Variants in TTN observed in about 807,000 individuals in gnomAD.
TTN encodes connectin.
Under a neutral mutation model 3,223.0 loss-of-function variants are expected in TTN, and 1,525 were observed. The observed-to-expected ratio is 0.47, with a 90% CI of 0.45 to 0.49. The LOEUF (loss-of-function observed/expected upper bound fraction) is 0.49, where lower values mean the gene tolerates loss of function less well. TTN is among the 20% of genes least tolerant of loss of function. TTN has a pLI of 0.00. For missense variants in TTN, 40,786 were observed against 43,424.0 expected (o/e 0.94, Z 5.40); for synonymous variants, 14,094 against 15,161.0 (o/e 0.93, Z 5.17).
intron 150 of TTN, among the ~76,000 whole-genome samples, chr2:178,674,720 G>A (rs1456975654): frequency 2.0e-5 from 3 of 151,324 alleles, no homozygotes; most frequent in African/African-American, 7.3e-5. Flanking sequence ...GGCTTAACTG[G>A]AATTTCTCTT....
At chr2:178,750,032 A>T (rs746619681) in intron 47 of TTN, 3 of 1,613,172 alleles carry the variant, frequency 1.9e-6, no homozygotes, top group Non-Finnish European at 1.7e-6. Context: ...AGTTTGAAAC[A>T]CTTCTTTAGA....
chr2:178,571,248 G>A lies in TTN; in HGVS notation c.74884C>T (p.Pro24962Ser). The change falls in exon 326 of 363, where the codon CCT (proline) becomes TCT (serine). Residue 24962 changes from proline to serine, a missense_variant. Transcript: ENST00000589042. Reference protein sequence around the residue: ...SILWVKLNKTPIPQTKFKTTG... With the variant: ...SILWVKLNKTSIPQTKFKTTG... ...GTCTTAAACTTGGTTTGAGGAATAGGTGTTTTATTCAACTTAACCCAGAGG... is the reference window on the plus strand; with the variant it reads ...GTCTTAAACTTGGTTTGAGGAATAGATGTTTTATTCAACTTAACCCAGAGG... The A allele has an allele frequency of 6.2e-7, 1 of 1,613,510 alleles. No homozygotes were observed. Among genetic ancestry groups the A allele is most frequent in the Non-Finnish European group, 8.5e-7 (1 of 1,179,618 alleles).
At chr2:178,696,909 T>C (rs1029594334) in intron 113 of TTN, among the ~76,000 whole-genome samples, 2 of 152,034 alleles carry the variant, frequency 1.3e-5, no homozygotes, top group Non-Finnish European at 2.9e-5. Context: ...TCTGAGACCA[T>C]TGCACAGAGG....
Position 178,741,265 on chromosome 2 carries a change from G to T in TTN, c.11968C>A (p.Pro3990Thr). ...TSVYYTIIHN[P>T]NGSGTFIVND... is the part of the protein sequence containing the mutation. ...ACAATGAAAGTTCCAGAGCCATTAG[G>T]GTTATGAATGATAGTGTAATAAACA... is the stretch of plus-strand genomic sequence containing the variant. Residue 3990 changes from proline (P) to threonine (T), a missense_variant, in exon 48 of 363, where the codon CCT becomes ACT. By Grantham distance (38) the Pro-to-Thr change is conservative. Transcript: ENST00000589042. 6.2e-7 allele frequency: 1 copy of T among 1,613,760 alleles called. No homozygotes were observed. The highest frequency in any genetic ancestry group is 1.1e-5 in the South Asian group (1 of 91,064).
At chr2:178,743,793 T>G (rs1156691083) in intron 47 of TTN, among the ~76,000 whole-genome samples, 1 of 151,990 alleles carries the variant, frequency 6.6e-6, no homozygotes, top group Non-Finnish European at 1.5e-5. Flanking sequence ...TAGTTTTATT[T>G]CAGGAATTTG....
chr2:178,778,736 A>C, intron 24 of TTN, 138 bp downstream of exon 24: 2 of 1,224,922 alleles, frequency 1.6e-6, no homozygotes, highest in Non-Finnish European at 2.3e-6. Context: ...AACTTCTGGC[A>C]ATTGTTGGTG....
chr2:178,565,413 G>T lies in TTN; in HGVS notation c.80719C>A (p.Pro26907Thr), dbSNP rs776780869. The T allele has an allele frequency of 1.2e-6, 2 of 1,613,434 alleles. No homozygotes were observed. The highest frequency in any genetic ancestry group is 2.2e-5 in the South Asian group (2 of 91,054). The change falls in exon 326 of 363, where the codon CCA (proline) becomes ACA (threonine). Residue 26907 changes from proline (P) to threonine (T), a missense_variant. Physicochemically the swap from Pro to Thr is conservative, Grantham distance 38 (BLOSUM62 -1). Coordinates refer to ENST00000589042, the MANE Select transcript of TTN (RefSeq NM_001267550.2). ...LKIEIPVIGR[P>T]RPNISWVKDG... The stretch of plus-strand genomic sequence containing the variant: ...TTGACCCAAGAAATGTTAGGTCTTG[G>T]TCGGCCTATAACTGGAATTTCTATT...
rs2055801311 is a variant in TTN, at chr2:178,609,564, G to A, written c.51746C>T (p.Pro17249Leu). 6.2e-7 allele frequency: 1 copy of A among 1,606,136 alleles called. No individual in the cohort carries two copies. The highest frequency in any genetic ancestry group is 1.7e-5 in the Admixed American group (1 of 59,530). ...TAGGCTTGTTCTCAGAATGACTTTGGGGGCATCTATAGTGATCATAACCAA... is the reference window on the plus strand; with the variant it reads ...TAGGCTTGTTCTCAGAATGACTTTGAGGGCATCTATAGTGATCATAACCAA... ...PTKAVDPIDA[P>L]KVILRTSLEV... Residue 17249 changes from proline (P) to leucine (L), a missense_variant, in exon 273 of 363, where the codon CCC (proline) becomes CTC (leucine). Physicochemically the swap from Pro to Leu is moderately conservative, Grantham distance 98. Coordinates refer to ENST00000589042, the MANE Select transcript of TTN (RefSeq NM_001267550.2).
intron 242 of TTN, 139 bp downstream of exon 242, chr2:178,624,326 G>A (rs1576597155): frequency 1.0e-6 from 1 of 995,954 alleles, no homozygotes; most frequent in South Asian, 1.5e-5. Context: ...AAAGGATCAG[G>A]TTAGGTCAGT....
rs1700704472 is a variant in TTN at position 178,554,770 on chromosome 2, A to G, written c.88595-18T>C. 1.2e-6 allele frequency: 2 copies of G among 1,612,520 alleles called. No individual in the cohort carries two copies. Among genetic ancestry groups the G allele is most frequent in the Non-Finnish European group, 1.7e-6 (2 of 1,179,550 alleles). On this transcript the variant is annotated intron_variant, in intron 331 of 362. Transcript: ENST00000589042. ...TGGTTTGTCTATCAGTGAAAGGACAAAACACGATGTTAGTACTTCTTTAAA... is the reference window on the plus strand; with the variant it reads ...TGGTTTGTCTATCAGTGAAAGGACAGAACACGATGTTAGTACTTCTTTAAA...
rs150430592 is a variant in TTN, at chr2:178,552,074, A to C, written c.90826T>G (p.Cys30276Gly). The change falls in exon 335 of 363, where the codon TGT becomes GGT. Residue 30276 changes from cysteine to glycine, a missense_variant. Physicochemically the swap from Cys to Gly is radical, Grantham distance 159 (BLOSUM62 -3). Transcript: ENST00000589042. ...ETSQTNWKMV[C>G]SSVARTTFKV... ...AAAGTCGTTCTGGCAACACTTGAAC[A>C]CACCATCTTCCAGTTAGTTTGTGAA... 2.1e-3 allele frequency: 3,400 copies of C among 1,613,718 alleles called. 49 individuals are homozygous for C. Among genetic ancestry groups the C allele is most frequent in the South Asian group, 0.02 (1,861 of 91,040 alleles).
At position 178,651,752 on chromosome 2, in the gene TTN, A is replaced by G; in HGVS notation, c.39380-3T>C. 6.2e-7 allele frequency: 1 copy of G among 1,612,638 alleles called. No individual in the cohort carries two copies. The highest frequency in any genetic ancestry group is 8.5e-7 in the Non-Finnish European group (1 of 1,179,402). On this transcript the variant is annotated splice_polypyrimidine_tract_variant and splice_region_variant and intron_variant, in intron 205 of 362. Transcript: ENST00000589042. The stretch of plus-strand genomic sequence containing the variant: ...AGGTTTCTTAGGTGGTACGGTCACT[A>G]AAGAATTAGAAGGTATGTTTTAGAA...
Position 178,640,567 on chromosome 2 carries a change from T to A in TTN, c.40697A>T (p.Glu13566Val), listed in dbSNP as rs1428597330. The A allele has an allele frequency of 6.2e-7, 1 of 1,602,702 alleles. No individual in the cohort carries two copies. The highest frequency in any genetic ancestry group is 1.4e-5 in the African/African-American group (1 of 74,026). ...TTTTGTTGGTTCAGGAATCTTCCTT[T>A]CCCTTTTTGTAACAGTAGGTACTTC... ...EVEVPTVTKR[E>V]RKIPEPTKVP... is the part of the protein sequence containing the mutation. Residue 13566 changes from glutamate (E) to valine (V), a missense_variant, in exon 221 of 363, where the codon GAA becomes GTA. Coordinates refer to ENST00000589042, the MANE Select transcript of TTN (RefSeq NM_001267550.2).
chr2:178,727,215 G>A lies in TTN; in HGVS notation c.20150C>T (p.Thr6717Ile). Residue 6717 changes from threonine to isoleucine, a missense_variant, in exon 69 of 363, where the codon ACT (threonine) becomes ATT (isoleucine). Transcript: ENST00000589042. ...TATGACGGCCACTGAGTCAATGAAA[G>A]TCATTCTGTACTTATCACTGGCTGG... ...ELPASDKYRM[T>I]FIDSVAVIQM... The A allele has an allele frequency of 6.2e-7, 1 of 1,613,214 alleles. No individual in the cohort carries two copies. The highest frequency in any genetic ancestry group is 8.5e-7 in the Non-Finnish European group (1 of 1,179,420).
Position 178,604,256 on chromosome 2 carries a change from A to G in TTN, c.54431T>C (p.Val18144Ala). The G allele has an allele frequency of 1.3e-6, 2 of 1,567,704 alleles. No homozygotes were observed. Among genetic ancestry groups the G allele is most frequent in the Non-Finnish European group, 1.7e-6 (2 of 1,155,004 alleles). ...NGQYEFRVRA[V>A]NKYGISDECK... ...CTCATCACTGATTCCATATTTATTC[A>G]CTGCCCTGACTCGGAACTCATACTG... Residue 18144 changes from valine to alanine, a missense_variant, in exon 282 of 363, where the codon GTG (valine) becomes GCG (alanine). Transcript: ENST00000589042.
At position 178,612,555 on chromosome 2, in the gene TTN, C is replaced by T. The variant is rs2154200456; in HGVS notation, c.49970G>A (p.Trp16657Ter). ...EKLYPPSPPRWLEVINITKNT... is the reference protein window; with the variant it reads ...EKLYPPSPPR ...TTTTGTGATATTAATAACTTCAAGC[C>T]AGCGTGGTGGTGATGGAGGATCTGA... is the stretch of plus-strand genomic sequence containing the variant. The change falls in exon 266 of 363, where the codon TGG becomes TAG. Residue 16657 changes from tryptophan (W) to a stop codon, truncating the protein, a stop_gained. Transcript: ENST00000589042. LOFTEE classifies it high-confidence loss of function. 1 of 1,611,008 alleles carries T rather than the reference C, an allele frequency of 6.2e-7. No homozygotes were observed. The highest frequency in any genetic ancestry group is 8.5e-7 in the Non-Finnish European group (1 of 1,178,882).
chr2:178,761,880 G>C (rs6433732), intron 43 of TTN, among the ~76,000 whole-genome samples: 148,543 of 152,344 alleles, frequency 0.98, 72,542 homozygotes, highest in East Asian at 1. Flanking sequence ...CACTCTGTAA[G>C]CCTCCAAATG....
chr2:178,776,305 A>C lies in TTN; in HGVS notation c.5559T>G (p.Leu1853=), dbSNP rs1397358651. The change falls in exon 28 of 363, where the codon CTT becomes CTG. Residue 1853 remains leucine (L), a synonymous_variant. Transcript: ENST00000589042. ...AGCGGAACCTTGCAGTCTCCCCTTC[A>C]AGTACTCTAACTGGCTCTGGGTACA... ...IVLYPEPVRV[L]EGETARFRCR... is the part of the protein sequence containing the mutation. 4.0e-5 allele frequency: 64 copies of C among 1,613,870 alleles called. No homozygotes were observed. The highest frequency in any genetic ancestry group is 5.1e-5 in the Non-Finnish European group (60 of 1,179,978).
In TTN at chr2:178,799,690, A is replaced by C. The variant is rs751394557; in HGVS notation, c.711T>G (p.Val237=). 2 of 1,614,180 alleles carry C rather than the reference A, an allele frequency of 1.2e-6. No individual in the cohort carries two copies. The highest frequency in any genetic ancestry group is 3.3e-5 in the Admixed American group (2 of 60,020). Residue 237 remains valine, a synonymous_variant, in exon 6 of 363, where the codon GTT becomes GTG. Coordinates refer to ENST00000589042, the MANE Select transcript of TTN (RefSeq NM_001267550.2). ...CAGCGGCACCATCTATGACCATCTC[A>C]ACTGTTGCAATTGATCTGGCATCAA... ...AHFDARSIAT[V]EMVIDGAAGQ... is the part of the protein sequence containing the mutation.
Sources: allele counts gnomAD v4.1 joint callset (sites outside exome capture counted in the v4.1 genomes callset), GRCh38; gene constraint gnomAD v4.1.1; transcripts MANE v1.5; gene names NCBI Gene and HGNC (gene_info 2026-07-23, HGNC 2026-07-21).